TMEM132B: variants seen among roughly 807,000 people sequenced by gnomAD.
TMEM132B encodes the protein transmembrane protein 132B.
TMEM132B carries 18 observed loss-of-function variants against 90.8 expected under a neutral mutation model. The observed-to-expected ratio is 0.20, with a 90% CI of 0.14 to 0.29. The LOEUF is 0.29. Among genes scored for constraint, TMEM132B ranks in the 10% least tolerant of loss-of-function variants. TMEM132B has a pLI of 1.00. For missense variants in TMEM132B, 1,096 were observed against 1,326.8 expected (o/e 0.83, Z 2.70); for synonymous variants, 504 against 523.3 (o/e 0.96, Z 0.50).
chr12:125,193,970 C>T (rs2136051124), intron 1 of TMEM132B, among the ~76,000 whole-genome samples: 1 of 152,308 alleles, frequency 6.6e-6, no homozygotes, highest in East Asian at 1.9e-4. Context: ...CCATTCAGGG[C>T]AGAATGGACT....
At chr12:125,386,808 C>T (rs779763347) in intron 2 of TMEM132B, among the ~76,000 whole-genome samples, 18 of 152,172 alleles carry the variant, frequency 1.2e-4, no homozygotes, top group Non-Finnish European at 2.5e-4. Context: ...GAACAGTTCA[C>T]CAAATGCATG....
At chr12:125,465,823 A>G (rs1881548500) in intron 3 of TMEM132B, among the ~76,000 whole-genome samples, 1 of 152,144 alleles carries the variant, frequency 6.6e-6, no homozygotes. Flanking sequence ...ACTGAGTTAC[A>G]TGAGATTTGG....
Position 125,310,782 on chromosome 12 carries a change from C to A in TMEM132B, c.68-38670C>A, listed in dbSNP as rs570908563. ...GGGTCTTACTGAACAATGAGAGGCACAGTACATTTAGAGGCTTTGGGAGGG... is the reference window on the plus strand; with the variant it reads ...GGGTCTTACTGAACAATGAGAGGCAAAGTACATTTAGAGGCTTTGGGAGGG... On this transcript the variant is annotated intron_variant, in intron 1 of 8. Transcript: ENST00000682704. Among the ~76,000 whole-genome samples the A allele has an allele frequency of 1.6e-4, 25 of 152,284 alleles. No homozygotes were observed. In the South Asian group the frequency reaches 5.2e-3, roughly 32 times the overall value.
chr12:125,641,118 A>G lies in TMEM132B; in HGVS notation c.1438-2958A>G, dbSNP rs1886620105. Among the ~76,000 whole-genome samples, 3 of 152,300 alleles carry G rather than the reference A, an allele frequency of 2.0e-5. No homozygotes were observed. In the South Asian group the frequency reaches 6.2e-4, roughly 32 times the overall value. ...GCTGAAGCTTCCCACACAGTGCTCC[A>G]CTGCCCCCTATATTGTCCATGCTCT... On this transcript the variant is annotated intron_variant, in intron 5 of 8. Coordinates refer to ENST00000682704, the MANE Select transcript of TMEM132B (RefSeq NM_001366854.1).
rs114450882 is a variant in TMEM132B at position 125,567,182 on chromosome 12, C to G, written c.1294-16669C>G. On this transcript the variant is annotated intron_variant, in intron 4 of 8. Coordinates refer to ENST00000682704, the MANE Select transcript of TMEM132B (RefSeq NM_001366854.1). ...ACAACCACAGCCTGCTTTCACTTGGCTGACTTGCTAGTTCTCATTGTTTGT... is the reference window on the plus strand; with the variant it reads ...ACAACCACAGCCTGCTTTCACTTGGGTGACTTGCTAGTTCTCATTGTTTGT... Among the ~76,000 whole-genome samples, 1,053 of 152,266 alleles carry G rather than the reference C, an allele frequency of 6.9e-3. 17 individuals are homozygous for G. Among genetic ancestry groups the G allele is most frequent in the African/African-American group, 0.023 (949 of 41,564 alleles).
At chr12:125,403,263 T>G (rs747346518) in intron 2 of TMEM132B, among the ~76,000 whole-genome samples, 5 of 152,210 alleles carry the variant, frequency 3.3e-5, no homozygotes, top group Non-Finnish European at 7.3e-5. Flanking sequence ...CTTTCAGAGT[T>G]CTTTCCCTCC....
intron 1 of TMEM132B, chr12:125,326,611 G>T: frequency 6.2e-7 from 1 of 1,604,554 alleles, no homozygotes; most frequent in South Asian, 1.1e-5. Context: ...CTCAGCTCCA[G>T]ACTCTACGGG....
chr12:125,601,709 C>T (rs1282734149), intron 5 of TMEM132B, among the ~76,000 whole-genome samples: 1 of 151,926 alleles, frequency 6.6e-6, no homozygotes, highest in East Asian at 1.9e-4. Context: ...ATTAGATAGA[C>T]CACTAGCTAG....
At chr12:125,350,477 A>C in intron 2 of TMEM132B, 134 bp downstream of exon 2, 23 of 1,078,394 alleles carry the variant, frequency 2.1e-5, no homozygotes, top group Non-Finnish European at 3.0e-5. Flanking sequence ...TAAAGTGGTG[A>C]AAACAGATTT....
At chr12:125,579,000 C>A (rs919834586) in intron 4 of TMEM132B, among the ~76,000 whole-genome samples, 2 of 152,126 alleles carry the variant, frequency 1.3e-5, no homozygotes, top group Non-Finnish European at 2.9e-5. Context: ...ATCTGGGACA[C>A]CTTTGCCATT....
chr12:125,323,422 C>T (rs977582466), intron 1 of TMEM132B, among the ~76,000 whole-genome samples: 29 of 145,828 alleles, frequency 2.0e-4, no homozygotes, highest in African/African-American at 4.9e-4. Flanking sequence ...GGCAACAAAG[C>T]GAGACTCTGC....
intron 3 of TMEM132B, among the ~76,000 whole-genome samples, chr12:125,427,348 A>G (rs1267180819): frequency 6.6e-6 from 1 of 151,760 alleles, no homozygotes; most frequent in Non-Finnish European, 1.5e-5. Context: ...AGAAGATACC[A>G]CTCTTGGCTC....
In TMEM132B at chr12:125,363,910, A is replaced by G. The variant is rs560983462; in HGVS notation, c.959+13567A>G. Among the ~76,000 whole-genome samples the G allele has an allele frequency of 3.3e-5, 5 of 152,354 alleles. No homozygotes were observed. The South Asian group carries it at 8.3e-4, about 25-fold the overall frequency. ...GGAAAGTGGATAAATGAATAGCTAC[A>G]TATTTATACGGATGAATGCTCTACA... On this transcript the variant is annotated intron_variant, in intron 2 of 8. Transcript: ENST00000682704.
intron 3 of TMEM132B, among the ~76,000 whole-genome samples, chr12:125,427,203 C>T (rs1369263491): frequency 2.6e-5 from 4 of 152,148 alleles, no homozygotes; most frequent in Non-Finnish European, 4.4e-5. Context: ...CCTCTTTGAG[C>T]AGTCTATGCA....
At chr12:125,366,035 T>C (rs966677448) in intron 2 of TMEM132B, among the ~76,000 whole-genome samples, 1 of 152,068 alleles carries the variant, frequency 6.6e-6, no homozygotes, top group Non-Finnish European at 1.5e-5. Flanking sequence ...CTTCCCAGCC[T>C]CTGGGAACCT....
chr12:125,654,988 C>T lies in TMEM132B; in HGVS notation c.*278C>T. On this transcript the variant is annotated 3_prime_UTR_variant, in exon 9 of 9. Transcript: ENST00000682704. The surrounding 1 kb of genome is among the most constrained non-coding windows in gnomAD (Gnocchi z 5.8). ...CGAGCTCAGTGCAAATGTATTAAAC[C>T]TGACCCCACAGACATTGTTAGTCAT... 2.9e-6 allele frequency: 1 copy of T among 342,206 alleles called. No homozygotes were observed. The highest frequency in any genetic ancestry group is 5.6e-5 in the South Asian group (1 of 17,954). The allele number at this position is 342,206 out of a possible 1,614,324, so 21.2% of individuals were successfully genotyped here.
intron 1 of TMEM132B, among the ~76,000 whole-genome samples, chr12:125,218,261 C>T (rs368827732): frequency 2.5e-4 from 38 of 151,946 alleles, no homozygotes; most frequent in African/African-American, 8.4e-4. Context: ...GAATTTCATG[C>T]CATGTGCATT....
At chr12:125,539,550 CT>C (rs1883900498) in intron 4 of TMEM132B, among the ~76,000 whole-genome samples, 2 of 152,334 alleles carry the variant, frequency 1.3e-5, no homozygotes, top group South Asian at 2.1e-4. Flanking sequence ...CTCTCTCTTC[CT>C]GGGAATGTAA....
intron 3 of TMEM132B, among the ~76,000 whole-genome samples, chr12:125,452,905 C>T (rs1429820408): frequency 6.6e-6 from 1 of 152,026 alleles, no homozygotes; most frequent in Non-Finnish European, 1.5e-5. Context: ...TTTAGTTTGT[C>T]ACTTCCCTTC....
Sources: gnomAD v4.1 joint callset for allele counts (sites outside exome capture counted in the v4.1 genomes callset) on GRCh38, gnomAD v4.1.1 for gene constraint, Gnocchi (gnomAD v3.1) non-coding constraint, MANE v1.5 for transcripts, NCBI Gene and HGNC (gene_info 2026-07-23, HGNC 2026-07-21) for gene names.